CDKAL1: variants seen among roughly 807,000 people sequenced by gnomAD.
The protein encoded by CDKAL1 is CDKAL1 threonylcarbamoyladenosine tRNA methylthiotransferase, also known as threonylcarbamoyladenosine tRNA methylthiotransferase.
Under a neutral mutation model 68.2 loss-of-function variants are expected in CDKAL1, and 32 were observed. The observed-to-expected ratio is 0.47, with a 90% CI of 0.35 to 0.63. The LOEUF (loss-of-function observed/expected upper bound fraction) is 0.63, where lower values mean the gene tolerates loss of function less well. CDKAL1 is among the 30% of genes least tolerant of loss of function. CDKAL1 has a pLI of 0.00. For missense variants in CDKAL1, 606 were observed against 696.7 expected (o/e 0.87, Z 1.47); for synonymous variants, 234 against 244.3 (o/e 0.96, Z 0.39).
intron 9 of CDKAL1, among the ~76,000 whole-genome samples, chr6:20,884,417 A>G (rs1043799652): frequency 5.3e-5 from 8 of 152,202 alleles, no homozygotes; most frequent in Non-Finnish European, 1.5e-5. Context: ...GTGAAAGACT[A>G]AATAAAAGCT....
At position 21,132,424 on chromosome 6, in the gene CDKAL1, A is replaced by G. The variant is rs141156513; in HGVS notation, c.1299+23961A>G. Among the ~76,000 whole-genome samples, 289 of 152,336 alleles carry G rather than the reference A, an allele frequency of 1.9e-3. 3 individuals carry two copies. The highest frequency in any genetic ancestry group is 3.7e-3 in the Non-Finnish European group (253 of 68,010). ...GAAGTCAGCCCTATTTTGGAACTAC[A>G]TATTAATGAAGATAGAAGGAGATGC... On this transcript the variant is annotated intron_variant, in intron 13 of 15. Transcript: ENST00000274695.
At chr6:20,790,007 G>T (rs1775830647) in intron 8 of CDKAL1, among the ~76,000 whole-genome samples, 1 of 152,080 alleles carries the variant, frequency 6.6e-6, no homozygotes, top group Non-Finnish European at 1.5e-5. Context: ...TGTTGCCCAG[G>T]TTGGTCCTGA....
intron 6 of CDKAL1, among the ~76,000 whole-genome samples, chr6:20,740,908 T>C (rs910077841): frequency 6.6e-6 from 1 of 152,208 alleles, no homozygotes; most frequent in African/African-American, 2.4e-5. Flanking sequence ...TAACTTTCTC[T>C]ATAAACATAA....
intron 5 of CDKAL1, among the ~76,000 whole-genome samples, chr6:20,736,126 C>CTT (rs70990062): frequency 1.0e-4 from 15 of 145,722 alleles, no homozygotes; most frequent in East Asian, 4.4e-4. Context: ...ACAACTATTT[C>CTT]TTTTTTTTTT....
chr6:20,755,200 T>C (rs759981637), intron 6 of CDKAL1, among the ~76,000 whole-genome samples: 15 of 152,222 alleles, frequency 9.9e-5, no homozygotes, highest in Admixed American at 1.3e-4. Context: ...CAACTCTTTC[T>C]TATCCTATTC....
intron 9 of CDKAL1, among the ~76,000 whole-genome samples, chr6:20,930,776 G>T (rs1763407204): frequency 6.7e-6 from 1 of 148,620 alleles, no homozygotes. Flanking sequence ...CAAGAGTCTC[G>T]CTCTGTTGCC....
chr6:20,573,201 C>G (rs184814119), intron 4 of CDKAL1, among the ~76,000 whole-genome samples: 1 of 151,992 alleles, frequency 6.6e-6, no homozygotes, highest in South Asian at 2.1e-4. Context: ...TTGGAAATTT[C>G]CATTGTGGAT....
At chr6:20,882,445 A>G (rs981999866) in intron 9 of CDKAL1, among the ~76,000 whole-genome samples, 1 of 152,140 alleles carries the variant, frequency 6.6e-6, no homozygotes, top group East Asian at 1.9e-4. Flanking sequence ...ACTTCTATTA[A>G]ACAGATGTGT....
At chr6:21,053,065 A>G (rs1770629745) in intron 11 of CDKAL1, among the ~76,000 whole-genome samples, 1 of 152,198 alleles carries the variant, frequency 6.6e-6, no homozygotes, top group Non-Finnish European at 1.5e-5. Flanking sequence ...TTGTGCAACT[A>G]TCATCACAAT....
chr6:20,751,639 G>A (rs931011718), intron 6 of CDKAL1, among the ~76,000 whole-genome samples: 2 of 152,182 alleles, frequency 1.3e-5, no homozygotes, highest in Admixed American at 6.5e-5. Flanking sequence ...TGGAATAGTT[G>A]ATAATAGCTG....
intron 4 of CDKAL1, among the ~76,000 whole-genome samples, chr6:20,567,518 C>T (rs550365952): frequency 1.3e-5 from 2 of 152,020 alleles, no homozygotes; most frequent in East Asian, 1.9e-4. Context: ...TGATGGAGAG[C>T]GTGAGTTAGG....
intron 10 of CDKAL1, among the ~76,000 whole-genome samples, chr6:20,972,930 A>T (rs549527418): frequency 1.2e-4 from 19 of 152,244 alleles, no homozygotes; most frequent in African/African-American, 4.6e-4. Context: ...ATTAGATAAC[A>T]TATCACTAGT....
intron 5 of CDKAL1, among the ~76,000 whole-genome samples, chr6:20,732,889 T>G (rs1234644555): frequency 6.6e-6 from 1 of 152,204 alleles, no homozygotes; most frequent in African/African-American, 2.4e-5. Context: ...TTAAAGACCC[T>G]TAACCTCTTC....
At chr6:20,845,196 C>T (rs1390250394) in intron 8 of CDKAL1, among the ~76,000 whole-genome samples, 4 of 152,202 alleles carry the variant, frequency 2.6e-5, no homozygotes, top group Non-Finnish European at 5.9e-5. Context: ...GTACTATGGT[C>T]TTTTTAAAGC....
At chr6:20,569,004 A>G (rs1764593074) in intron 4 of CDKAL1, among the ~76,000 whole-genome samples, 1 of 152,156 alleles carries the variant, frequency 6.6e-6, no homozygotes, top group South Asian at 2.1e-4. Flanking sequence ...ACCTACCACC[A>G]TATTTGGCTT....
intron 10 of CDKAL1, chr6:20,993,377 T>C (rs917041749): frequency 1.3e-5 from 2 of 152,192 alleles, no homozygotes; most frequent in African/African-American, 4.8e-5. Context: ...AGTGTAAAGT[T>C]TAGCATTTTG....
chr6:21,120,371 G>A (rs976513496), intron 13 of CDKAL1, among the ~76,000 whole-genome samples: 17 of 152,208 alleles, frequency 1.1e-4, no homozygotes, highest in Non-Finnish European at 2.4e-4. Flanking sequence ...TTAATTCCCA[G>A]TTTTGTGCTC....
intron 12 of CDKAL1, among the ~76,000 whole-genome samples, chr6:21,072,676 C>CTTTTTT (rs66763305): frequency 5.3e-5 from 7 of 131,180 alleles, no homozygotes; most frequent in East Asian, 2.2e-4. Flanking sequence ...AATAGAGTAT[C>CTTTTTT]TTTTTTTTTT....
chr6:20,984,507 G>A (rs1581964230), intron 10 of CDKAL1, among the ~76,000 whole-genome samples: 1 of 152,172 alleles, frequency 6.6e-6, no homozygotes, highest in Non-Finnish European at 1.5e-5. Context: ...ACAGCTAAGT[G>A]GAGGGTGCAC....
Sources: allele counts gnomAD v4.1 joint callset (sites outside exome capture counted in the v4.1 genomes callset), GRCh38; gene constraint gnomAD v4.1.1; transcripts MANE v1.5; gene names NCBI Gene and HGNC (gene_info 2026-07-23, HGNC 2026-07-21).